ENTR1: variants seen among roughly 807,000 people sequenced by gnomAD.
ENTR1 encodes the protein endosome associated trafficking regulator 1, also known as endosome-associated-trafficking regulator 1.
Under a neutral mutation model 47.9 loss-of-function variants are expected in ENTR1, and 47 were observed. That is an observed-to-expected ratio of 0.98 (90% CI 0.78 to 1.25). The LOEUF (loss-of-function observed/expected upper bound fraction) is 1.25, where lower values mean the gene tolerates loss of function less well. ENTR1 is among the 50% of genes most tolerant of loss of function. The pLI is 0.00. For missense variants in ENTR1, 668 were observed against 570.5 expected, an observed-to-expected ratio of 1.17 and a Z score of -1.74; for synonymous variants, 290 against 245.8, an observed-to-expected ratio of 1.18 and a Z score of -1.68.
intron 9 of ENTR1, 95 bp downstream of exon 9, chr9:136,403,960 T>C (rs1267246190): frequency 7.2e-7 from 1 of 1,395,532 alleles, no homozygotes; most frequent in Non-Finnish European, 9.6e-7. Flanking sequence ...CCAGCCACGG[T>C]GCCATCAGCC....
rs778168036 is a variant in ENTR1 at position 136,405,943 on chromosome 9, C to A, written c.855G>T (p.Leu285=). 2 of 1,608,250 alleles carry A rather than the reference C, an allele frequency of 1.2e-6. No individual in the cohort carries two copies. The highest frequency in any genetic ancestry group is 2.2e-5 in the South Asian group (2 of 89,554). ...CTTCAGAGAAGCTCTGAACCTCATT[C>A]AGCTTTCTTCTCAGCTTAGAATTTT... The part of the protein sequence containing the change: ...KDENSKLRRK[L]NEVQSFSEAQ... Residue 285 remains leucine (L), a synonymous_variant, in exon 6 of 10, where the codon CTG becomes CTT. Transcript: ENST00000357365.
intron 9 of ENTR1, 119 bp downstream of exon 9, chr9:136,403,936 A>G: frequency 8.2e-7 from 1 of 1,222,332 alleles, no homozygotes; most frequent in South Asian, 1.5e-5. Flanking sequence ...CCCTCCCTGC[A>G]GCTCCCTGGT....
intron 8 of ENTR1, 95 bp downstream of exon 8, chr9:136,404,536 G>A (rs1463233811): frequency 1.6e-5 from 22 of 1,350,818 alleles, no homozygotes; most frequent in South Asian, 2.4e-5. Context: ...GGGCTCAGGG[G>A]AAACCCCAGC....
intron 5 of ENTR1, among the ~76,000 whole-genome samples, chr9:136,406,719 C>T (rs1315423612): frequency 6.6e-6 from 1 of 152,060 alleles, no homozygotes; most frequent in Non-Finnish European, 1.5e-5. Flanking sequence ...TCAGGTGATC[C>T]ACCCACCTCG....
chr9:136,405,885 C>T lies in ENTR1; in HGVS notation c.893+20G>A. On this transcript the variant is annotated intron_variant, in intron 6 of 9. Coordinates refer to ENST00000357365, the MANE Select transcript of ENTR1 (RefSeq NM_001039707.2). ...GTATTAGATGTTGTGGATTGCATTCCTAACTAAAAGCTTACATACATTTCT... is the reference window on the plus strand; with the variant it reads ...GTATTAGATGTTGTGGATTGCATTCTTAACTAAAAGCTTACATACATTTCT... 6.6e-7 allele frequency: 1 copy of T among 1,515,056 alleles called. No individual in the cohort carries two copies. Among genetic ancestry groups the T allele is most frequent in the Admixed American group, 2.0e-5 (1 of 50,966 alleles). The allele number at this position is 1,515,056 out of a possible 1,614,324, so 93.9% of individuals were successfully genotyped here.
In ENTR1 at chr9:136,402,569, G is replaced by C. The variant is rs998442607; in HGVS notation, c.*219C>G. 2 of 418,836 alleles carry C rather than the reference G, an allele frequency of 4.8e-6. No homozygotes were observed. Among genetic ancestry groups the C allele is most frequent in the South Asian group, 1.1e-4 (2 of 18,892 alleles). The allele number at this position is 418,836 out of a possible 1,614,324, so 25.9% of individuals were successfully genotyped here. A position where few individuals can be genotyped will look rare whatever the true frequency, so the allele number is the denominator to read the frequency against. Reference sequence around the variant, plus strand: ...GAATCTATAAGATCGCAGGAATTTCGCCAAGAAGGGCTGCATAGAAACCAC... The same window carrying C: ...GAATCTATAAGATCGCAGGAATTTCCCCAAGAAGGGCTGCATAGAAACCAC... On this transcript the variant is annotated 3_prime_UTR_variant, in exon 10 of 10. Transcript: ENST00000357365.
In ENTR1 at chr9:136,407,429, C is replaced by A. The variant is rs1191145194; in HGVS notation, c.535G>T (p.Asp179Tyr). ...GAGDLLDEEEDEDTGWSGAYL... is the reference protein window; with the variant it reads ...GAGDLLDEEEYEDTGWSGAYL... ...GCCCCACTCCATCCGGTGTCCTCAT[C>A]CTCCTCCTCATCCAGGAGGTCACCA... Residue 179 changes from aspartate (D) to tyrosine (Y), a missense_variant, in exon 5 of 10, where the codon GAT (aspartate) becomes TAT (tyrosine). Coordinates refer to ENST00000357365, the MANE Select transcript of ENTR1 (RefSeq NM_001039707.2). 3 of 1,610,436 alleles carry A rather than the reference C, an allele frequency of 1.9e-6. No individual in the cohort carries two copies.
rs36076555 is a variant in ENTR1 at position 136,407,563 on chromosome 9, TAAAAAA to T, written c.403-8_403-3del. ...TCCCAGGGAATGCCTCGAGGCTTCC[TAAAAAA>T]AAAAAAAAAAAAAAAACAATGGAGG... On this transcript the variant is annotated splice_polypyrimidine_tract_variant and splice_region_variant and intron_variant, in intron 4 of 9. Transcript: ENST00000357365. 6.5e-5 allele frequency: 86 copies of T among 1,319,874 alleles called. No homozygotes were observed. The Middle Eastern group carries it at 1.1e-3, about 16-fold the overall frequency. 81.8% of individuals were successfully genotyped at this position (1,319,874 alleles called of 1,614,324 possible). A position where few individuals can be genotyped will look rare whatever the true frequency, so the allele number is the denominator to read the frequency against.
In ENTR1 at chr9:136,410,203, T is replaced by A. The variant is rs770417537; in HGVS notation, c.107A>T (p.Gln36Leu). 1 of 1,599,964 alleles carries A rather than the reference T, an allele frequency of 6.3e-7. No homozygotes were observed. Among genetic ancestry groups the A allele is most frequent in the Non-Finnish European group, 8.5e-7 (1 of 1,174,538 alleles). The change falls in exon 2 of 10, where the codon CAG (glutamine) becomes CTG (leucine). Residue 36 changes from glutamine (Q) to leucine (L), a missense_variant. Gln to Leu is a moderately radical substitution (Grantham distance 113). Transcript: ENST00000357365. The stretch of plus-strand genomic sequence containing the variant: ...GCCATGGGGGCGCTCACAATTTAGC[T>A]GGGGGAGACAAGACCGGCGCTCATA... ...AFYERRSCLP[Q>L]LNCERPHGRD... is the part of the protein sequence containing the mutation.
intron 2 of ENTR1, among the ~76,000 whole-genome samples, 173 bp from the exon 3 acceptor site, chr9:136,409,240 G>A (rs1397814712): frequency 6.6e-6 from 1 of 151,732 alleles, no homozygotes; most frequent in Admixed American, 6.6e-5. Context: ...GAGTGCAGTG[G>A]TGCGATCTCG....
intron 9 of ENTR1, among the ~76,000 whole-genome samples, chr9:136,403,153 A>C (rs1834573110): frequency 3.8e-5 from 1 of 26,356 alleles, no homozygotes; most frequent in South Asian, 1.6e-3. Flanking sequence ...AAGGGGAGGA[A>C]TTCCGGGGGT....
intron 2 of ENTR1, 79 bp downstream of exon 2, chr9:136,410,011 G>A (rs1306235544): frequency 2.0e-6 from 3 of 1,536,904 alleles, no homozygotes; most frequent in African/African-American, 1.4e-5. Flanking sequence ...GTCAATGGAC[G>A]AGCTCGTGCT....
chr9:136,404,049 A>G lies in ENTR1; in HGVS notation c.1208+6T>C, dbSNP rs374364585. On this transcript the variant is annotated splice_donor_region_variant and intron_variant, in intron 9 of 9. Coordinates refer to ENST00000357365, the MANE Select transcript of ENTR1 (RefSeq NM_001039707.2). The stretch of plus-strand genomic sequence containing the variant: ...CCAGGCTTCCCGGTGCCTCCCAGGC[A>G]CTCACTTGATGGAAGCCTGTGCACT... 81 of 1,571,704 alleles carry G rather than the reference A, an allele frequency of 5.2e-5. No individual in the cohort carries two copies. In the African/African-American group the frequency reaches 8.3e-4, roughly 16 times the overall value.
chr9:136,409,168 T>TCA, intron 2 of ENTR1, 101 bp from the exon 3 acceptor site: 1 of 948,676 alleles, frequency 1.1e-6, no homozygotes, highest in Non-Finnish European at 1.7e-6. Context: ...GCAGTGGTTC[T>TCA]CACAGTCTAG....
At chr9:136,406,822 T>C (rs1222291862) in intron 5 of ENTR1, 1 of 232,140 alleles carries the variant, frequency 4.3e-6, no homozygotes, top group Non-Finnish European at 8.5e-6. Flanking sequence ...TTTAGGTGAT[T>C]ATAATTTTTT....
chr9:136,404,892 C>G (rs887896271), intron 7 of ENTR1, 199 bp from the exon 8 acceptor site: 16 of 667,644 alleles, frequency 2.4e-5, no homozygotes, highest in Non-Finnish European at 3.9e-5. Context: ...GTGCTCTGGC[C>G]CCCCACTCCC....
intron 5 of ENTR1, 102 bp from the exon 6 acceptor site, chr9:136,406,080 C>G (rs1834751051): frequency 3.9e-6 from 3 of 770,448 alleles, no homozygotes; most frequent in Non-Finnish European, 6.2e-6. Context: ...AGCAGAGATG[C>G]TGGGTCAGTG....
At position 136,402,209 on chromosome 9, in the gene ENTR1, C is replaced by A. The variant is rs1834522454; in HGVS notation, c.*579G>T. ...CAGCTTCACAGCACGGAACGTGTGA[C>A]CTTGGTCCCCGTGGGTCCCGGAGGA... On this transcript the variant is annotated 3_prime_UTR_variant, in exon 10 of 10. Coordinates refer to ENST00000357365, the MANE Select transcript of ENTR1 (RefSeq NM_001039707.2). 1 of 153,030 alleles carries A rather than the reference C, an allele frequency of 6.5e-6. No individual in the cohort carries two copies. Among genetic ancestry groups the A allele is most frequent in the Non-Finnish European group, 1.5e-5 (1 of 68,400 alleles). The allele number at this position is 153,030 out of a possible 1,614,324, so 9.5% of individuals were successfully genotyped here. A position where few individuals can be genotyped will look rare whatever the true frequency, so the allele number is the denominator to read the frequency against.
intron 5 of ENTR1, among the ~76,000 whole-genome samples, chr9:136,406,408 G>A (rs1834765697): frequency 6.6e-6 from 1 of 151,896 alleles, no homozygotes; most frequent in Non-Finnish European, 1.5e-5. Context: ...GGCGGAGGTT[G>A]CAGTGAGCCG....
Sources: allele counts gnomAD v4.1 joint callset (sites outside exome capture counted in the v4.1 genomes callset), GRCh38; gene constraint gnomAD v4.1.1; transcripts MANE v1.5; gene names NCBI Gene and HGNC (gene_info 2026-07-23, HGNC 2026-07-21).